The following WWOX variants were observed in gnomAD, a reference collection of about 807,000 sequenced individuals.
WWOX encodes the protein WW domain containing oxidoreductase.
A neutral mutation model predicts 46.2 loss-of-function variants in WWOX; 69 were observed. That is an observed-to-expected ratio of 1.49 (90% CI 1.23 to 1.82). WWOX has a LOEUF of 1.82. Among genes scored for constraint, WWOX ranks in the 40% most tolerant of loss-of-function variants. The pLI is 0.00. For synonymous variants in WWOX, 359 were observed against 202.6 expected (o/e 1.77, Z -6.56); for missense variants, 919 against 542.6 (o/e 1.69, Z -6.89).
chr16:78,535,275 C>G (rs545232348), intron 8 of WWOX: 1 of 152,178 alleles, frequency 6.6e-6, no homozygotes, highest in African/African-American at 2.4e-5. Flanking sequence ...GTGATGGGGA[C>G]CAGAGCTAGG....
intron 8 of WWOX, among the ~76,000 whole-genome samples, chr16:78,814,089 C>G (rs147407655): frequency 1.1e-3 from 161 of 152,302 alleles, no homozygotes; most frequent in African/African-American, 3.2e-3. Context: ...GGCTGTGGCT[C>G]AAGTTTTCAG....
chr16:78,892,668 G>C (rs184333277), intron 8 of WWOX, among the ~76,000 whole-genome samples: 2 of 152,226 alleles, frequency 1.3e-5, no homozygotes, highest in Admixed American at 6.5e-5. Flanking sequence ...AATTAGGCCA[G>C]CATTGGGCTA....
At chr16:78,210,983 A>G (rs1350652844) in intron 5 of WWOX, among the ~76,000 whole-genome samples, 3 of 152,218 alleles carry the variant, frequency 2.0e-5, no homozygotes, top group Admixed American at 1.3e-4. Context: ...TAACTATGAA[A>G]CAAATTTTCT....
chr16:79,072,145 G>A (rs1451599462), intron 8 of WWOX, among the ~76,000 whole-genome samples: 1 of 152,062 alleles, frequency 6.6e-6, no homozygotes, highest in Non-Finnish European at 1.5e-5. Flanking sequence ...AATTAGTTAG[G>A]CATGGTAGAG....
At chr16:78,695,928 A>G (rs957871049) in intron 8 of WWOX, among the ~76,000 whole-genome samples, 3 of 152,196 alleles carry the variant, frequency 2.0e-5, no homozygotes, top group African/African-American at 4.8e-5. Flanking sequence ...GACCGGCAGC[A>G]TCACCATCAC....
chr16:78,574,568 G>A (rs2044801097), intron 8 of WWOX, among the ~76,000 whole-genome samples: 1 of 152,022 alleles, frequency 6.6e-6, no homozygotes, highest in South Asian at 2.1e-4. Context: ...ACTACTACCT[G>A]TGTTGTCACA....
At chr16:79,160,946 A>G (rs2050475191) in intron 8 of WWOX, among the ~76,000 whole-genome samples, 1 of 152,212 alleles carries the variant, frequency 6.6e-6, no homozygotes, top group South Asian at 2.1e-4. Flanking sequence ...ATATGTGTAT[A>G]CATGCTATAT....
intron 8 of WWOX, among the ~76,000 whole-genome samples, chr16:78,967,530 C>T (rs967916944): frequency 7.0e-6 from 1 of 143,252 alleles, no homozygotes; most frequent in South Asian, 2.3e-4. Flanking sequence ...GTTTCAAACT[C>T]CTGAGTCCAG....
chr16:78,838,678 C>T (rs556123001), intron 8 of WWOX, among the ~76,000 whole-genome samples: 1 of 152,222 alleles, frequency 6.6e-6, no homozygotes, highest in South Asian at 2.1e-4. Context: ...CCCATCTCTA[C>T]TAAAAATACA....
At chr16:78,623,434 C>A (rs1450167812) in intron 8 of WWOX, among the ~76,000 whole-genome samples, 1 of 152,276 alleles carries the variant, frequency 6.6e-6, no homozygotes, top group African/African-American at 2.4e-5. Flanking sequence ...CATTCCAGCA[C>A]TTTGGGAGAC....
chr16:78,541,726 G>T (rs2043901238), intron 8 of WWOX, among the ~76,000 whole-genome samples: 2 of 151,822 alleles, frequency 1.3e-5, no homozygotes, highest in African/African-American at 4.8e-5. Context: ...TTATCTGTAA[G>T]GTGGCAGTTA....
At chr16:78,667,542 G>C (rs999813619) in intron 8 of WWOX, among the ~76,000 whole-genome samples, 2 of 151,714 alleles carry the variant, frequency 1.3e-5, no homozygotes, top group East Asian at 3.9e-4. Context: ...GTGGTGGCAG[G>C]CACCTGTAGT....
intron 8 of WWOX, among the ~76,000 whole-genome samples, chr16:78,917,328 G>C (rs1257615504): frequency 1.3e-5 from 2 of 152,130 alleles, no homozygotes; most frequent in East Asian, 1.9e-4. Flanking sequence ...TGGTTCTGTG[G>C]TGTCCCACAC....
At chr16:78,142,362 C>A (rs1180302465) in intron 4 of WWOX, among the ~76,000 whole-genome samples, 1 of 152,134 alleles carries the variant, frequency 6.6e-6, no homozygotes, top group African/African-American at 2.4e-5. Context: ...GTGTTATAGC[C>A]ACAGGAACTC....
intron 8 of WWOX, among the ~76,000 whole-genome samples, chr16:79,063,438 A>T (rs185059097): frequency 6.6e-6 from 1 of 152,358 alleles, no homozygotes; most frequent in East Asian, 1.9e-4. Context: ...AAAACGATAT[A>T]AACTAACTTG....
At chr16:79,019,748 G>C (rs2047493883) in intron 8 of WWOX, among the ~76,000 whole-genome samples, 11 of 152,054 alleles carry the variant, frequency 7.2e-5, no homozygotes, top group Admixed American at 7.2e-4. Context: ...TAGTGGTCCA[G>C]AGAGGGAAGA....
At chr16:78,941,181 T>C (rs1037545645) in intron 8 of WWOX, among the ~76,000 whole-genome samples, 3 of 152,136 alleles carry the variant, frequency 2.0e-5, no homozygotes, top group Non-Finnish European at 4.4e-5. Context: ...GAATAGGAAA[T>C]ATCCCAGTTG....
intron 5 of WWOX, among the ~76,000 whole-genome samples, chr16:78,272,617 A>G (rs1179971639): frequency 1.3e-5 from 2 of 152,134 alleles, no homozygotes; most frequent in Admixed American, 6.5e-5. Context: ...CTCCCTCATT[A>G]CCTATAGAAT....
intron 8 of WWOX, among the ~76,000 whole-genome samples, chr16:78,763,082 C>A (rs192687888): frequency 1.3e-5 from 2 of 152,170 alleles, no homozygotes; most frequent in African/African-American, 4.8e-5. Context: ...CAGATTTTTC[C>A]TGAGCACCTA....
Sources: gnomAD v4.1 joint callset for allele counts (sites outside exome capture counted in the v4.1 genomes callset) on GRCh38, gnomAD v4.1.1 for gene constraint, MANE v1.5 for transcripts, NCBI Gene and HGNC (gene_info 2026-07-23, HGNC 2026-07-21) for gene names.